Variants in PLAC1 observed in about 807,000 individuals in gnomAD.
PLAC1 encodes placenta-specific protein 1.
For synonymous variants in PLAC1, 68 were observed against 62.1 expected (o/e 1.09, Z -0.44); for missense variants, 136 against 163.2 (o/e 0.83, Z 0.91).
Position 134,566,450 on chromosome X carries a change from G to A in PLAC1, c.233C>T (p.Thr78Ile). 1 of 1,211,987 alleles carries A rather than the reference G, an allele frequency of 8.3e-7. No individual in the cohort carries two copies. Reference protein sequence around the residue: ...PHAYQFTYRVTECGIRAKAVS... With the variant: ...PHAYQFTYRVIECGIRAKAVS... ...AGCTTTGGCCCTGATGCCACATTCA[G>A]TAACACGGTAGGTGAACTGGTAGGC... The change falls in exon 3 of 3, where the codon ACT (threonine) becomes ATT (isoleucine). Residue 78 changes from threonine to isoleucine, a missense_variant. Physicochemically the swap from Thr to Ile is moderately conservative, Grantham distance 89. Transcript: ENST00000359237.
chrX:134,624,094 A>G (rs2078224127), intron 1 of PLAC1, among the ~76,000 whole-genome samples: 2 of 111,656 alleles, frequency 1.8e-5, no homozygotes, highest in South Asian at 7.5e-4. Flanking sequence ...ATCGAGGGCC[A>G]GGAGAGCTCT....
At chrX:134,579,760 G>A (rs190473911) in intron 2 of PLAC1, among the ~76,000 whole-genome samples, 3 of 111,388 alleles carry the variant, frequency 2.7e-5, no homozygotes, top group Admixed American at 9.6e-5. Context: ...GTGCTTTCCC[G>A]GAAAGCTGAG....
intron 1 of PLAC1, among the ~76,000 whole-genome samples, chrX:134,750,946 A>AT: frequency 2.9e-5 from 1 of 34,507 alleles, no homozygotes; most frequent in African/African-American, 3.2e-4. Flanking sequence ...TATATTTATA[A>AT]ATATATATAT....
chrX:134,706,411 G>A (rs1399527612), intron 2 of PLAC1, among the ~76,000 whole-genome samples: 1 of 112,236 alleles, frequency 8.9e-6, no homozygotes, highest in Admixed American at 9.4e-5. Flanking sequence ...CAGTAATGAG[G>A]TGGTGCCTCC....
chrX:134,674,204 T>A (rs1431857849), intron 2 of PLAC1, among the ~76,000 whole-genome samples: 7 of 112,716 alleles, frequency 6.2e-5, no homozygotes, highest in African/African-American at 2.3e-4. Flanking sequence ...GCTGATATCA[T>A]GGATCTTCTT....
At chrX:134,610,520 G>A (rs1197375359) in intron 1 of PLAC1, among the ~76,000 whole-genome samples, 1 of 111,598 alleles carries the variant, frequency 9.0e-6, no homozygotes, top group Non-Finnish European at 1.9e-5. Flanking sequence ...CCTTGTCAAC[G>A]TGGAGGGTCA....
At chrX:134,653,176 T>C (rs1446065828) in intron 1 of PLAC1, among the ~76,000 whole-genome samples, 1 of 112,130 alleles carries the variant, frequency 8.9e-6, no homozygotes, top group Non-Finnish European at 1.9e-5. Flanking sequence ...CCCCAGGCCC[T>C]CTCCTCAGGC....
intron 2 of PLAC1, among the ~76,000 whole-genome samples, chrX:134,709,957 C>A (rs2078622975): frequency 1.8e-5 from 2 of 111,354 alleles, no homozygotes; most frequent in African/African-American, 3.3e-5. Flanking sequence ...ACAAAACTTA[C>A]AAATTTTAGT....
chrX:134,745,154 T>C (rs181752382), intron 1 of PLAC1, among the ~76,000 whole-genome samples: 2 of 111,926 alleles, frequency 1.8e-5, no homozygotes, highest in Admixed American at 1.9e-4. Context: ...CCCAGTTGAC[T>C]TTACCCTCAA....
At chrX:134,647,596 G>A (rs1040464639) in intron 1 of PLAC1, among the ~76,000 whole-genome samples, 4 of 110,583 alleles carry the variant, frequency 3.6e-5, no homozygotes, top group Non-Finnish European at 7.6e-5. Flanking sequence ...CACACTCCCC[G>A]TTATGATAGG....
At chrX:134,657,041 C>G (rs1403793823) in intron 1 of PLAC1, among the ~76,000 whole-genome samples, 1 of 112,406 alleles carries the variant, frequency 8.9e-6, no homozygotes, top group Non-Finnish European at 1.9e-5. Context: ...CAGCTCCGAG[C>G]TGTCACTTGA....
rs538907123 is a variant in PLAC1 at position 134,592,287 on chromosome X, T to G, written c.-59+9764A>C. ...TTTTATGTTTAACTCCATCATCCAT[T>G]TTCAGATACTTTTTGTATAAAGTAT... On this transcript the variant is annotated intron_variant, in intron 2 of 2. Transcript: ENST00000359237. Among the ~76,000 whole-genome samples, 7 of 112,315 alleles carry G rather than the reference T, an allele frequency of 6.2e-5. No homozygotes were observed. In the South Asian group the frequency reaches 2.6e-3, roughly 42 times the overall value.
chrX:134,651,383 A>G (rs775778445), intron 1 of PLAC1: 1 of 148,229 alleles, frequency 6.7e-6, no homozygotes, highest in African/African-American at 3.1e-5. Context: ...AACGAAGTTA[A>G]TTTTGAATTC....
intron 2 of PLAC1, among the ~76,000 whole-genome samples, chrX:134,673,530 T>A (rs995854034): frequency 4.6e-4 from 51 of 110,445 alleles, no homozygotes; most frequent in African/African-American, 1.4e-3. Context: ...TTTTTTTTTT[T>A]AATAAATGGA....
intron 2 of PLAC1, among the ~76,000 whole-genome samples, chrX:134,696,693 C>G (rs910858454): frequency 9.0e-6 from 1 of 111,502 alleles, no homozygotes; most frequent in African/African-American, 3.3e-5. Flanking sequence ...GTCAGGCTTG[C>G]AAGCGGCCCT....
chrX:134,714,696 A>G (rs937738144), intron 2 of PLAC1, among the ~76,000 whole-genome samples: 6 of 110,886 alleles, frequency 5.4e-5, no homozygotes, highest in Admixed American at 1.9e-4. Flanking sequence ...GTCTGTTTCT[A>G]TGAATTTAAC....
intron 2 of PLAC1, among the ~76,000 whole-genome samples, chrX:134,670,117 G>T (rs1384077862): frequency 1.9e-4 from 17 of 89,068 alleles, no homozygotes; most frequent in African/African-American, 6.5e-4. Flanking sequence ...TTTTTTTTTT[G>T]ACAACAGAAA....
At chrX:134,615,342 C>A in intron 1 of PLAC1, among the ~76,000 whole-genome samples, 1 of 111,896 alleles carries the variant, frequency 8.9e-6, no homozygotes, top group Non-Finnish European at 1.9e-5. Flanking sequence ...TATTGTGCAC[C>A]TTTTCATATA....
chrX:134,685,449 C>CTTTTTTTT (rs200498313), intron 2 of PLAC1, among the ~76,000 whole-genome samples: 18 of 49,160 alleles, frequency 3.7e-4, no homozygotes, highest in Non-Finnish European at 4.7e-4. Flanking sequence ...AATGGCGTCC[C>CTTTTTTTT]TTTTTTTTTT....
Sources: allele counts gnomAD v4.1 joint callset (sites outside exome capture counted in the v4.1 genomes callset), GRCh38; gene constraint gnomAD v4.1.1; transcripts MANE v1.5; gene names NCBI Gene and HGNC (gene_info 2026-07-23, HGNC 2026-07-21).